TNKS: variants seen among roughly 807,000 people sequenced by gnomAD.
TNKS encodes poly [ADP-ribose] polymerase tankyrase-1.
In TNKS, 72 loss-of-function variants were observed where a neutral mutation model predicts 135.8. The ratio of observed to expected loss-of-function variants is 0.53; its 90% CI spans 0.44 to 0.64. The LOEUF is 0.64. Ranked by LOEUF, TNKS falls within the 30% of genes least tolerant of loss-of-function variation. TNKS has a pLI of 0.00. For missense variants in TNKS, 1,769 were observed against 1,674.0 expected (o/e 1.06, Z -0.99); for synonymous variants, 849 against 649.3 (o/e 1.31, Z -4.68).
At chr8:9,593,968 C>A (rs532010645) in intron 2 of TNKS, among the ~76,000 whole-genome samples, 115 of 152,192 alleles carry the variant, frequency 7.6e-4, no homozygotes, top group African/African-American at 2.6e-3. Context: ...CTCACTGGAA[C>A]CTTTGCCTCC....
intron 3 of TNKS, among the ~76,000 whole-genome samples, chr8:9,672,667 A>C (rs1429365992): frequency 1.4e-4 from 20 of 141,972 alleles, no homozygotes; most frequent in Non-Finnish European, 2.3e-4. Context: ...AAAAAAAAAA[A>C]AAAAAAAAAC....
At chr8:9,665,253 T>G (rs1801933187) in intron 3 of TNKS, among the ~76,000 whole-genome samples, 1 of 152,262 alleles carries the variant, frequency 6.6e-6, no homozygotes, top group Non-Finnish European at 1.5e-5. Flanking sequence ...TAGTCTGGAG[T>G]CAGTTTTTAG....
intron 3 of TNKS, among the ~76,000 whole-genome samples, chr8:9,659,976 A>C (rs1227522302): frequency 6.6e-6 from 1 of 152,246 alleles, no homozygotes; most frequent in Non-Finnish European, 1.5e-5. Flanking sequence ...CAAATAAACT[A>C]GAAAATCTAG....
At chr8:9,749,306 G>A (rs1408408101) in intron 18 of TNKS, among the ~76,000 whole-genome samples, 1 of 152,122 alleles carries the variant, frequency 6.6e-6, no homozygotes, top group Non-Finnish European at 1.5e-5. Context: ...ACCAACAGGG[G>A]GCAGATAGTC....
chr8:9,721,311 T>TATATATATATATATATAAAA (rs1412056948), intron 12 of TNKS, among the ~76,000 whole-genome samples: 1 of 145,132 alleles, frequency 6.9e-6, no homozygotes, highest in Admixed American at 7.1e-5. Flanking sequence ...TATATATATA[T>TATATATATATATATATAAAA]AAAATTATAA....
At chr8:9,720,002 T>G (rs1008213291) in intron 11 of TNKS, among the ~76,000 whole-genome samples, 1 of 152,202 alleles carries the variant, frequency 6.6e-6, no homozygotes, top group Non-Finnish European at 1.5e-5. Flanking sequence ...AAAAGTTTGG[T>G]AAAAATCCAT....
intron 5 of TNKS, among the ~76,000 whole-genome samples, chr8:9,694,796 G>A (rs1283517227): frequency 1.3e-5 from 2 of 151,046 alleles, no homozygotes; most frequent in South Asian, 2.1e-4. Flanking sequence ...TCCAAAGACA[G>A]AACAAGAAGA....
At chr8:9,747,607 A>G (rs549104516) in intron 17 of TNKS, among the ~76,000 whole-genome samples, 2 of 152,370 alleles carry the variant, frequency 1.3e-5, no homozygotes, top group African/African-American at 4.8e-5. Context: ...ATGGGAAGAT[A>G]AGAGAATCAA....
intron 2 of TNKS, among the ~76,000 whole-genome samples, chr8:9,614,624 T>A (rs1799573081): frequency 6.6e-6 from 1 of 152,214 alleles, no homozygotes; most frequent in Admixed American, 6.5e-5. Flanking sequence ...CTGTCATGAA[T>A]GAATGAAAAT....
rs1447212175 is a variant in TNKS, at chr8:9,556,116, G to A, written c.177G>A (p.Pro59=). 3.1e-6 allele frequency: 5 copies of A among 1,601,182 alleles called. No homozygotes were observed. Among genetic ancestry groups the A allele is most frequent in the East Asian group, 2.2e-5 (1 of 44,680 alleles). The change falls in exon 1 of 27, where the codon CCG becomes CCA. Residue 59 remains proline (P), a synonymous_variant. Coordinates refer to ENST00000310430, the MANE Select transcript of TNKS (RefSeq NM_003747.3). ...TASGLAPFAS[P]RHGLALPEGD... ...GCGGCCTGGCCCCCTTCGCCTCCCC[G>A]CGGCACGGCCTAGCGCTGCCGGAGG...
chr8:9,637,888 G>T (rs964560677), intron 3 of TNKS, among the ~76,000 whole-genome samples: 3 of 152,102 alleles, frequency 2.0e-5, no homozygotes, highest in Non-Finnish European at 4.4e-5. Flanking sequence ...AAAAGTTTGT[G>T]ATTTTATTTA....
rs555342749 is a variant in TNKS, at chr8:9,730,798, C to T, written c.2002-92C>T. 1.1e-5 allele frequency: 15 copies of T among 1,369,640 alleles called. No individual in the cohort carries two copies. The East Asian group carries it at 1.9e-4, about 17-fold the overall frequency. The allele number at this position is 1,369,640 out of a possible 1,614,324, so 84.8% of individuals were successfully genotyped here. On this transcript the variant is annotated intron_variant, in intron 13 of 26. Coordinates refer to ENST00000310430, the MANE Select transcript of TNKS (RefSeq NM_003747.3). ...ATATTCATTAGACAATTATAATTTA[C>T]TTATCCAAGATGTTGAACTATTTTG... is the stretch of plus-strand genomic sequence containing the variant.
At chr8:9,583,916 G>C (rs1798266516) in intron 2 of TNKS, among the ~76,000 whole-genome samples, 1 of 151,640 alleles carries the variant, frequency 6.6e-6, no homozygotes, top group South Asian at 2.1e-4. Flanking sequence ...TGTAATCCCA[G>C]TACTTTGGGA....
intron 1 of TNKS, chr8:9,575,306 C>T (rs1246744192): frequency 1.2e-5 from 9 of 763,314 alleles, no homozygotes; most frequent in East Asian, 1.3e-4. Flanking sequence ...AGGATGGTCT[C>T]GATTTCCTGA....
chr8:9,690,920 G>A (rs1803236564), intron 5 of TNKS, among the ~76,000 whole-genome samples: 1 of 152,106 alleles, frequency 6.6e-6, no homozygotes, highest in South Asian at 2.1e-4. Context: ...TTACTTGGAT[G>A]GGGACTTAAT....
chr8:9,672,525 G>C (rs1218862490), intron 3 of TNKS, among the ~76,000 whole-genome samples: 4 of 151,782 alleles, frequency 2.6e-5, no homozygotes, highest in African/African-American at 7.3e-5. Context: ...AGTGTGAATT[G>C]ATGGCTGTAG....
At chr8:9,575,329 C>G (rs1413099014) in intron 1 of TNKS, 9 of 896,862 alleles carry the variant, frequency 1.0e-5, no homozygotes, top group African/African-American at 1.8e-5. Flanking sequence ...TCGTGATCCG[C>G]CTGCTTCGGC....
intron 3 of TNKS, among the ~76,000 whole-genome samples, chr8:9,672,943 G>A (rs73526950): frequency 0.031 from 4,653 of 152,150 alleles, 168 homozygotes; most frequent in African/African-American, 0.091. Context: ...TGGTCACAAA[G>A]GCTGTTTTCT....
At chr8:9,680,203 T>C (rs1802725960) in intron 4 of TNKS, among the ~76,000 whole-genome samples, 1 of 152,214 alleles carries the variant, frequency 6.6e-6, no homozygotes, top group African/African-American at 2.4e-5. Flanking sequence ...TTGGAACATT[T>C]CCTAAGGTAC....
Sources: gnomAD v4.1 joint callset for allele counts (sites outside exome capture counted in the v4.1 genomes callset) on GRCh38, gnomAD v4.1.1 for gene constraint, MANE v1.5 for transcripts, NCBI Gene and HGNC (gene_info 2026-07-23, HGNC 2026-07-21) for gene names.